The following PRKCSH variants were observed in gnomAD, a reference collection of about 807,000 sequenced individuals.
PRKCSH encodes the protein PRKCSH beta subunit of glucosidase II, also known as glucosidase 2 subunit beta.
A neutral mutation model predicts 79.7 loss-of-function variants in PRKCSH; 42 were observed. The observed-to-expected ratio is 0.53, with a 90% confidence interval of 0.41 to 0.68. The LOEUF (loss-of-function observed/expected upper bound fraction) is 0.68, where lower values mean the gene tolerates loss of function less well. Ranked by LOEUF, PRKCSH falls within the 30% of genes least tolerant of loss-of-function variation. PRKCSH has a pLI of 0.00. For synonymous variants in PRKCSH, 325 were observed against 288.2 expected (o/e 1.13, Z -1.29); for missense variants, 686 against 709.0 (o/e 0.97, Z 0.37).
rs370060139 is a variant in PRKCSH at position 11,449,042 on chromosome 19, C to T, written c.1362-34C>T. 2.0e-4 allele frequency: 319 copies of T among 1,612,922 alleles called. 4 individuals are homozygous for T. The South Asian group carries it at 2.8e-3, about 14-fold the overall frequency. Reference sequence around the variant, plus strand: ...CTGCCTCCTCCTGGTGCCCCGACACCGGCCCAGCCCTCAGCACCCTGTGTC... The same window carrying T: ...CTGCCTCCTCCTGGTGCCCCGACACTGGCCCAGCCCTCAGCACCCTGTGTC... On this transcript the variant is annotated intron_variant, in intron 15 of 17. Transcript: ENST00000677123. The surrounding 1 kb of genome is among the most constrained non-coding windows in gnomAD (Gnocchi z 6.4).
chr19:11,448,932 C>T lies in PRKCSH; in HGVS notation c.1305C>T (p.Cys435=), dbSNP rs769899844. Residue 435 remains cysteine (C), a synonymous_variant, in exon 15 of 18, where the codon TGC becomes TGT. Coordinates refer to ENST00000677123, the MANE Select transcript of PRKCSH (RefSeq NM_001289104.2). The surrounding 1 kb of genome is among the most constrained non-coding windows in gnomAD (Gnocchi z 4.4). The part of the protein sequence containing the change: ...LTTNEYVYRL[C]PFKLVSQKPK... The stretch of plus-strand genomic sequence containing the variant: ...TCCACAGATACGTCTACCGCCTCTG[C>T]CCCTTCAAGCTTGTCTCGCAGAAAC... 1 of 1,614,152 alleles carries T rather than the reference C, an allele frequency of 6.2e-7. No individual in the cohort carries two copies. The highest frequency in any genetic ancestry group is 1.7e-5 in the Admixed American group (1 of 60,020).
rs766880628 is a variant in PRKCSH at position 11,448,901 on chromosome 19, C to T, written c.1287-13C>T. ...CCTGCGTTCCCCAACCCATATGTCC[C>T]GGTCCTCCACAGATACGTCTACCGC... On this transcript the variant is annotated splice_polypyrimidine_tract_variant and intron_variant, in intron 14 of 17. Coordinates refer to ENST00000677123, the MANE Select transcript of PRKCSH (RefSeq NM_001289104.2). This position sits in a 1 kb window ranked among gnomAD's most constrained non-coding sequence, Gnocchi z 4.4. The T allele has an allele frequency of 1.7e-5, 27 of 1,613,942 alleles. No homozygotes were observed. The highest frequency in any genetic ancestry group is 5.5e-5 in the South Asian group (5 of 91,094).
Position 11,447,473 on chromosome 19 carries a change from C to G in PRKCSH, c.884C>G (p.Pro295Arg). The change falls in exon 11 of 18, where the codon CCT becomes CGT. Residue 295 changes from proline to arginine, a missense_variant. By Grantham distance (103) the Pro-to-Arg change is moderately radical. This residue lies in a region of PRKCSH where 549 missense variants were observed against 520.2 expected (regional missense o/e 1.06). Coordinates refer to ENST00000677123, the MANE Select transcript of PRKCSH (RefSeq NM_001289104.2). This position sits in a 1 kb window ranked among gnomAD's most constrained non-coding sequence, Gnocchi z 5.6. ...ACCGACCTTCCAGCACCTTCTGCCCCTGACTTGACGGAGCCCAAGGAGGAG... is the reference window on the plus strand; with the variant it reads ...ACCGACCTTCCAGCACCTTCTGCCCGTGACTTGACGGAGCCCAAGGAGGAG... The part of the protein sequence containing the change: ...LPTDLPAPSA[P>R]DLTEPKEEQP... 1 of 1,614,050 alleles carries G rather than the reference C, an allele frequency of 6.2e-7. No individual in the cohort carries two copies. Among genetic ancestry groups the G allele is most frequent in the South Asian group, 1.1e-5 (1 of 91,074 alleles).
chr19:11,445,528 C>T (rs1970255290), intron 8 of PRKCSH, 55 bp downstream of exon 8: 4 of 1,559,684 alleles, frequency 2.6e-6, no homozygotes, highest in Admixed American at 3.4e-5. Flanking sequence ...GGTTTCCCTC[C>T]CCGCCACCCT....
Position 11,447,654 on chromosome 19 carries a change from TG to T in PRKCSH, c.1030-34del, listed in dbSNP as rs1230002890. The T allele has an allele frequency of 3.2e-6, 5 of 1,562,868 alleles. No individual in the cohort carries two copies. Among genetic ancestry groups the T allele is most frequent in the Non-Finnish European group, 4.3e-6 (5 of 1,153,980 alleles). Reference sequence around the variant, plus strand: ...GGGGGAGAAGTGGAGACAGAGAGGGTGGGGGAAGGGCTACTCACTGACCCTG... The same window carrying T: ...GGGGGAGAAGTGGAGACAGAGAGGGTGGGGAAGGGCTACTCACTGACCCTG... On this transcript the variant is annotated intron_variant, in intron 11 of 17. Transcript: ENST00000677123. This position sits in a 1 kb window ranked among gnomAD's most constrained non-coding sequence, Gnocchi z 5.6.
In PRKCSH at chr19:11,442,392, C is replaced by T; in HGVS notation, c.475C>T (p.Leu159Phe). The change falls in exon 7 of 18, where the codon CTC (leucine) becomes TTC (phenylalanine). Residue 159 changes from leucine to phenylalanine, a missense_variant. By Grantham distance (22) the Leu-to-Phe change is conservative. This residue lies in a region of PRKCSH where 549 missense variants were observed against 520.2 expected (regional missense o/e 1.06). Coordinates refer to ENST00000677123, the MANE Select transcript of PRKCSH (RefSeq NM_001289104.2). ...KKAREEKQKK[L>F]IELQAGKKSL... The stretch of plus-strand genomic sequence containing the variant: ...TTGCCTTCTGCCCACCCAGAAAAAG[C>T]TCATTGAGCTACAGGCTGGGAAGAA... 6.2e-7 allele frequency: 1 copy of T among 1,601,586 alleles called. No individual in the cohort carries two copies. The highest frequency in any genetic ancestry group is 1.1e-5 in the South Asian group (1 of 89,272).
rs780699304 is a variant in PRKCSH at position 11,447,208 on chromosome 19, C to T, written c.849+48C>T. On this transcript the variant is annotated intron_variant, in intron 10 of 17. Coordinates refer to ENST00000677123, the MANE Select transcript of PRKCSH (RefSeq NM_001289104.2). This position sits in a 1 kb window ranked among gnomAD's most constrained non-coding sequence, Gnocchi z 5.6. ...GACTTGGTCCTCCCACCACACTGCC[C>T]CCACCCCGCCTCACAAAGGAGCTGC... is the stretch of plus-strand genomic sequence containing the variant. 1 of 1,587,232 alleles carries T rather than the reference C, an allele frequency of 6.3e-7. No homozygotes were observed. Among genetic ancestry groups the T allele is most frequent in the Non-Finnish European group, 8.6e-7 (1 of 1,158,644 alleles).
At chr19:11,439,053 G>A (rs990176338) in intron 5 of PRKCSH, among the ~76,000 whole-genome samples, 3 of 151,822 alleles carry the variant, frequency 2.0e-5, no homozygotes, top group African/African-American at 4.8e-5. Context: ...GAATACAGGC[G>A]TACCCCCACC....
At position 11,441,365 on chromosome 19, in the gene PRKCSH, A is replaced by G. The variant is rs1970053018; in HGVS notation, c.468+8A>G. The G allele has an allele frequency of 6.2e-7, 1 of 1,613,130 alleles. No individual in the cohort carries two copies. The highest frequency in any genetic ancestry group is 8.5e-7 in the Non-Finnish European group (1 of 1,179,498). ...GCACGGGAGGAGAAGCAGGTAAGGA[A>G]CCCGCGGGGGCTGCCCCAGGGTGAT... On this transcript the variant is annotated splice_region_variant and intron_variant, in intron 6 of 17. Coordinates refer to ENST00000677123, the MANE Select transcript of PRKCSH (RefSeq NM_001289104.2).
rs528129109 is a variant in PRKCSH at position 11,439,182 on chromosome 19, C to T, written c.350+1058C>T. On this transcript the variant is annotated intron_variant, in intron 5 of 17. Coordinates refer to ENST00000677123, the MANE Select transcript of PRKCSH (RefSeq NM_001289104.2). ...TCAGCCTCCCAAAGTGCTAAGCCGC[C>T]GCGCTTGGCCACGATGATTAGGTTT... Among the ~76,000 whole-genome samples the T allele has an allele frequency of 1.2e-4, 19 of 152,270 alleles. No individual in the cohort carries two copies. The South Asian group carries it at 3.1e-3, about 25-fold the overall frequency.
Position 11,448,351 on chromosome 19 carries a change from G to A in PRKCSH, c.1196+60G>A. On this transcript the variant is annotated intron_variant, in intron 13 of 17. Coordinates refer to ENST00000677123, the MANE Select transcript of PRKCSH (RefSeq NM_001289104.2). This position sits in a 1 kb window ranked among gnomAD's most constrained non-coding sequence, Gnocchi z 4.4. ...ACAGCGACTGCTCCTTGACTCCCAG[G>A]GGAGCTGGTGATGGGGAATCACTGA... 1 of 1,541,152 alleles carries A rather than the reference G, an allele frequency of 6.5e-7. No homozygotes were observed. Among genetic ancestry groups the A allele is most frequent in the Non-Finnish European group, 8.8e-7 (1 of 1,136,276 alleles).
rs141157900 is a variant in PRKCSH, at chr19:11,449,127, G to A, written c.1413G>A (p.Lys471=). ...GPDHDKFSAM[K]YEQGTGCWQG... ...ACCACGACAAGTTCAGTGCCATGAA[G>A]TATGAGCAAGGCACGGGCTGCTGGC... Residue 471 remains lysine (K), a synonymous_variant, in exon 16 of 18, where the codon AAG becomes AAA. Coordinates refer to ENST00000677123, the MANE Select transcript of PRKCSH (RefSeq NM_001289104.2). This position sits in a 1 kb window ranked among gnomAD's most constrained non-coding sequence, Gnocchi z 6.4. 1.2e-5 allele frequency: 19 copies of A among 1,613,862 alleles called. No individual in the cohort carries two copies. Among genetic ancestry groups the A allele is most frequent in the Middle Eastern group, 3.3e-4 (2 of 6,062 alleles).
rs755739736 is a variant in PRKCSH, at chr19:11,441,227, CT to C, written c.351-12del. On this transcript the variant is annotated splice_polypyrimidine_tract_variant and intron_variant, in intron 5 of 17. Transcript: ENST00000677123. ...TGCCCCACTGGTGGTGCCTGTGTGT[CT>C]CCGCACCGCAGAGAGAAGGGCCGTA... 5.0e-6 allele frequency: 8 copies of C among 1,613,272 alleles called. No homozygotes were observed. The highest frequency in any genetic ancestry group is 1.7e-5 in the Admixed American group (1 of 60,008).
In PRKCSH at chr19:11,436,447, C is replaced by G; in HGVS notation, c.138C>G (p.Ile46Met). ...CCTGCCTGGACGGTTCGGCCACCATCCCATTTGATCAGGTCAACGATGACT... is the reference window on the plus strand; with the variant it reads ...CCTGCCTGGACGGTTCGGCCACCATGCCATTTGATCAGGTCAACGATGACT... ...PFTCLDGSAT[I>M]PFDQVNDDYC... Residue 46 changes from isoleucine (I) to methionine (M), a missense_variant, in exon 3 of 18, where the codon ATC becomes ATG. This residue lies in a region of PRKCSH where 549 missense variants were observed against 520.2 expected (regional missense o/e 1.06). Transcript: ENST00000677123. 1 of 1,614,190 alleles carries G rather than the reference C, an allele frequency of 6.2e-7. No individual in the cohort carries two copies. The highest frequency in any genetic ancestry group is 8.5e-7 in the Non-Finnish European group (1 of 1,180,030).
intron 8 of PRKCSH, chr19:11,445,870 G>T: frequency 2.3e-6 from 1 of 430,132 alleles, no homozygotes; most frequent in East Asian, 4.7e-5. Flanking sequence ...GGCACACGGG[G>T]AGCCTAGGAG....
intron 7 of PRKCSH, among the ~76,000 whole-genome samples, chr19:11,443,586 T>C (rs1432337703): frequency 6.6e-6 from 1 of 151,444 alleles, no homozygotes; most frequent in Non-Finnish European, 1.5e-5. Context: ...GGCATCTGCC[T>C]GTGGTCCCAG....
At chr19:11,450,419 G>A (rs1355796490) in intron 17 of PRKCSH, 1 of 151,904 alleles carries the variant, frequency 6.6e-6, no homozygotes, top group Non-Finnish European at 1.5e-5. Context: ...AGAGGTTGGA[G>A]TGAGCCAAGA....
At chr19:11,443,096 G>A (rs1184403767) in intron 7 of PRKCSH, among the ~76,000 whole-genome samples, 6 of 151,654 alleles carry the variant, frequency 4.0e-5, no homozygotes, top group Admixed American at 1.3e-4. Flanking sequence ...CAGGTGTTTG[G>A]TATTTGTCTT....
At chr19:11,439,512 T>C (rs1969948824) in intron 5 of PRKCSH, among the ~76,000 whole-genome samples, 1 of 151,038 alleles carries the variant, frequency 6.6e-6, no homozygotes, top group Non-Finnish European at 1.5e-5. Flanking sequence ...CCCAGCACTT[T>C]GGGAGGCTAA....
Sources: allele counts gnomAD v4.1 joint callset (sites outside exome capture counted in the v4.1 genomes callset), GRCh38; gene constraint gnomAD v4.1.1; regional missense constraint gnomAD v4.1.1; non-coding constraint Gnocchi (gnomAD v3.1); transcripts MANE v1.5; gene names NCBI Gene and HGNC (gene_info 2026-07-23, HGNC 2026-07-21).